Variants in MSI2 observed in about 807,000 individuals in gnomAD.
The protein encoded by MSI2 is RNA-binding protein Musashi homolog 2.
A neutral mutation model predicts 45.6 loss-of-function variants in MSI2; 17 were observed. The ratio of observed to expected loss-of-function variants is 0.37; its 90% confidence interval spans 0.26 to 0.56. The LOEUF is 0.56. Ranked by LOEUF, MSI2 falls within the 20% of genes least tolerant of loss-of-function variation. MSI2 has a pLI of 0.77. For missense variants in MSI2, 293 were observed against 444.2 expected (o/e 0.66, Z 3.06); for synonymous variants, 156 against 158.2 (o/e 0.99, Z 0.11).
chr17:57,446,237 C>T (rs575676094), intron 6 of MSI2, among the ~76,000 whole-genome samples: 20 of 152,156 alleles, frequency 1.3e-4, no homozygotes, highest in East Asian at 3.9e-4. Context: ...ACAGGGAGAA[C>T]GCACAGCCCA....
chr17:57,594,200 G>A (rs779469081), intron 7 of MSI2, among the ~76,000 whole-genome samples: 11 of 152,214 alleles, frequency 7.2e-5, no homozygotes, highest in African/African-American at 2.2e-4. Flanking sequence ...TTGAAGGCAC[G>A]CTGGCCAATT....
At chr17:57,701,362 G>C in the MSI2 span, among the ~76,000 whole-genome samples, 1 of 152,146 alleles carries the variant, frequency 6.6e-6, no homozygotes, top group South Asian at 2.1e-4. Flanking sequence ...GAGGTAATTA[G>C]GTCATGAAAG....
In MSI2 at chr17:57,683,733, A is replaced by G. The variant is rs1207263146; in HGVS notation, c.*4216A>G. On this transcript the variant is annotated 3_prime_UTR_variant, in exon 14 of 14. Transcript: ENST00000284073. This position sits in a 1 kb window ranked among gnomAD's most constrained non-coding sequence, Gnocchi z 5.2. ...AGCCAGGCTATCTTCCAAGGAAGGC[A>G]GACAGTGGGAGAGCAGAGGGACTGA... 1 of 227,860 alleles carries G rather than the reference A, an allele frequency of 4.4e-6. No homozygotes were observed. Among genetic ancestry groups the G allele is most frequent in the Non-Finnish European group, 8.7e-6 (1 of 115,438 alleles). The allele number at this position is 227,860 out of a possible 1,614,324, so 14.1% of individuals were successfully genotyped here. A position where few individuals can be genotyped will look rare whatever the true frequency, so the allele number is the denominator to read the frequency against.
chr17:57,623,932 G>A (rs1908547792), intron 9 of MSI2, among the ~76,000 whole-genome samples: 1 of 152,202 alleles, frequency 6.6e-6, no homozygotes, highest in Admixed American at 6.5e-5. Context: ...TCGGCGATTG[G>A]GGGTGGAGAT....
chr17:57,458,819 G>A (rs897988760), intron 6 of MSI2, among the ~76,000 whole-genome samples: 3 of 152,230 alleles, frequency 2.0e-5, no homozygotes, highest in African/African-American at 7.2e-5. Context: ...GTTCACAGGT[G>A]GGAGGGTGCC....
At chr17:57,663,139 A>C (rs954005967) in intron 11 of MSI2, among the ~76,000 whole-genome samples, 4 of 151,766 alleles carry the variant, frequency 2.6e-5, no homozygotes, top group African/African-American at 9.7e-5. Flanking sequence ...TTGGCTGCCC[A>C]GTTGCTGGGG....
chr17:57,401,405 T>C lies in MSI2; in HGVS notation c.339T>C (p.Phe113=), dbSNP rs773672312. The change falls in exon 6 of 14, where the codon TTT becomes TTC. Residue 113 remains phenylalanine, a synonymous_variant. Transcript: ENST00000284073. The stretch of plus-strand genomic sequence containing the variant: ...TGGTCACAAGAACAAAGAAAATATT[T>C]GTAGGCGGGTTATCTGCGAACACAG... ...PKMVTRTKKI[F]VGGLSANTVV... The C allele has an allele frequency of 2.5e-6, 4 of 1,614,196 alleles. No homozygotes were observed. In the Admixed American group the frequency reaches 6.7e-5, roughly 27 times the overall value.
intron 10 of MSI2, among the ~76,000 whole-genome samples, chr17:57,644,138 A>G (rs1305090186): frequency 6.6e-6 from 1 of 151,672 alleles, no homozygotes; most frequent in Non-Finnish European, 1.5e-5. Flanking sequence ...ACCCTTGGGA[A>G]TGTCAGGCTT....
Position 57,652,230 on chromosome 17 carries a change from G to T in MSI2, c.790+69G>T. On this transcript the variant is annotated intron_variant, in intron 11 of 13. Transcript: ENST00000284073. This position sits in a 1 kb window ranked among gnomAD's most constrained non-coding sequence, Gnocchi z 4.1. ...GTGTGCAGGGGGAGGTCAAGGCCCT[G>T]TCGGATCTGTGTGGCTGCATCTGTC... 6.9e-7 allele frequency: 1 copy of T among 1,445,286 alleles called. No individual in the cohort carries two copies. Among genetic ancestry groups the T allele is most frequent in the Non-Finnish European group, 9.7e-7 (1 of 1,029,246 alleles). 89.5% of individuals were successfully genotyped at this position (1,445,286 alleles called of 1,614,324 possible).
intron 7 of MSI2, among the ~76,000 whole-genome samples, chr17:57,558,231 C>T (rs904073417): frequency 5.9e-5 from 9 of 152,204 alleles, no homozygotes; most frequent in Non-Finnish European, 1.2e-4. Context: ...CTATTCAGCA[C>T]TGCCATTTCT....
At chr17:57,677,378 A>C (rs1369981489) in intron 13 of MSI2, among the ~76,000 whole-genome samples, 1 of 152,132 alleles carries the variant, frequency 6.6e-6, no homozygotes, top group African/African-American at 2.4e-5. Flanking sequence ...AGAGTGTGGG[A>C]AACTGGAAGG....
chr17:57,398,536 T>G (rs1331209765), intron 5 of MSI2, among the ~76,000 whole-genome samples: 2 of 152,250 alleles, frequency 1.3e-5, no homozygotes, highest in African/African-American at 4.8e-5. Context: ...CAGTAAGAGA[T>G]GCCTTTTCAA....
intron 6 of MSI2, among the ~76,000 whole-genome samples, chr17:57,478,283 G>A (rs1338505373): frequency 6.6e-6 from 1 of 152,226 alleles, no homozygotes; most frequent in Non-Finnish European, 1.5e-5. Context: ...CAGAATCGAT[G>A]GCACCTAGTG....
At chr17:57,305,243 C>A (rs1311798491) in intron 5 of MSI2, among the ~76,000 whole-genome samples, 1 of 152,126 alleles carries the variant, frequency 6.6e-6, no homozygotes, top group African/African-American at 2.4e-5. Flanking sequence ...GTGGCACCTT[C>A]TCAGGAGGAA....
chr17:57,336,093 C>T lies in MSI2; in HGVS notation c.313-65286C>T, dbSNP rs1461406291. Among the ~76,000 whole-genome samples, 5 of 152,252 alleles carry T rather than the reference C, an allele frequency of 3.3e-5. No homozygotes were observed. The East Asian group carries it at 7.7e-4, about 23-fold the overall frequency. ...CATGGCATAGAAACAGCAGAGGGCA[C>T]GGGTAACGGTGAAGAGGGCAGGTGG... On this transcript the variant is annotated intron_variant, in intron 5 of 13. Transcript: ENST00000284073.
chr17:57,354,995 T>A (rs1266073528), intron 5 of MSI2, among the ~76,000 whole-genome samples: 3 of 152,210 alleles, frequency 2.0e-5, no homozygotes, highest in African/African-American at 7.2e-5. Flanking sequence ...TTCTGTGTCA[T>A]AAGTCAGGAT....
intron 7 of MSI2, among the ~76,000 whole-genome samples, chr17:57,536,391 T>G (rs978990170): frequency 6.6e-6 from 1 of 152,186 alleles, no homozygotes; most frequent in African/African-American, 2.4e-5. Flanking sequence ...GTAGAAAGTA[T>G]GATAAGGATG....
chr17:57,683,012 C>T lies in MSI2; in HGVS notation c.*3495C>T, dbSNP rs556273648. ...TATCCACTGGGAACAAACAGCCTCG[C>T]GCTCTATACCAAACAGCCTCGCGCT... On this transcript the variant is annotated 3_prime_UTR_variant, in exon 14 of 14. Transcript: ENST00000284073. The surrounding 1 kb of genome is among the most constrained non-coding windows in gnomAD (Gnocchi z 5.2). 2 of 229,696 alleles carry T rather than the reference C, an allele frequency of 8.7e-6. No homozygotes were observed. Among genetic ancestry groups the T allele is most frequent in the South Asian group, 1.8e-4 (1 of 5,510 alleles). 14.2% of individuals were successfully genotyped at this position (229,696 alleles called of 1,614,324 possible). A position where few individuals can be genotyped will look rare whatever the true frequency, so the allele number is the denominator to read the frequency against.
the MSI2 span, among the ~76,000 whole-genome samples, chr17:57,699,182 A>AGAGTGT: frequency 8.0e-5 from 2 of 25,082 alleles, 1 homozygote; most frequent in Admixed American, 9.2e-4. Flanking sequence ...AGAGAGAGAG[A>AGAGTGT]GTGTGTGTGT....
Sources: gnomAD v4.1 joint callset for allele counts (sites outside exome capture counted in the v4.1 genomes callset) on GRCh38, gnomAD v4.1.1 for gene constraint, Gnocchi (gnomAD v3.1) non-coding constraint, MANE v1.5 for transcripts, NCBI Gene and HGNC (gene_info 2026-07-23, HGNC 2026-07-21) for gene names.